The following VAV3 variants were observed in gnomAD, a reference collection of about 807,000 sequenced individuals.
The protein encoded by VAV3 is vav guanine nucleotide exchange factor 3.
VAV3 carries 94 observed loss-of-function variants against 131.2 expected under a neutral mutation model. The observed-to-expected ratio is 0.72, with a 90% CI of 0.61 to 0.85. VAV3 has a LOEUF of 0.85. Among genes scored for constraint, VAV3 ranks in the 40% least tolerant of loss-of-function variants. The probability of loss-of-function intolerance (pLI) is 0.00; values close to 1 mark genes in which losing one functional copy is unlikely to be tolerated. For synonymous variants in VAV3, 349 were observed against 342.0 expected (o/e 1.02, Z -0.22); for missense variants, 939 against 1,002.7 (o/e 0.94, Z 0.86).
At chr1:107,588,973 T>C (rs965709132) in intron 25 of VAV3, among the ~76,000 whole-genome samples, 3 of 152,180 alleles carry the variant, frequency 2.0e-5, no homozygotes, top group Admixed American at 6.5e-5. Flanking sequence ...CATTTCACCA[T>C]GGAAAGGCAA....
chr1:107,582,689 T>C (rs897250131), intron 25 of VAV3, among the ~76,000 whole-genome samples: 4 of 151,798 alleles, frequency 2.6e-5, no homozygotes, highest in African/African-American at 9.7e-5. Context: ...CGCGATAGTT[T>C]ACTGAGAATG....
intron 17 of VAV3, among the ~76,000 whole-genome samples, chr1:107,691,922 AT>A (rs1360709031): frequency 6.6e-6 from 1 of 152,128 alleles, no homozygotes. Flanking sequence ...AATTTAAATA[AT>A]TTTTACTTGT....
At position 107,685,350 on chromosome 1, in the gene VAV3, T is replaced by C. The variant is rs114366358; in HGVS notation, c.1732-1817A>G. On this transcript the variant is annotated intron_variant, in intron 18 of 26. Transcript: ENST00000370056. Reference sequence around the variant, plus strand: ...TATAAAATGGAGATAATACTAGCACTGACTTCATAGGTTTTGCAGTGAGAA... The same window carrying C: ...TATAAAATGGAGATAATACTAGCACCGACTTCATAGGTTTTGCAGTGAGAA... Among the ~76,000 whole-genome samples, 775 of 152,350 alleles carry C rather than the reference T, an allele frequency of 5.1e-3. 9 individuals are homozygous for C. The highest frequency in any genetic ancestry group is 0.018 in the African/African-American group (741 of 41,580).
intron 21 of VAV3, among the ~76,000 whole-genome samples, chr1:107,610,761 A>T (rs919903265): frequency 6.6e-6 from 1 of 152,252 alleles, no homozygotes; most frequent in African/African-American, 2.4e-5. Flanking sequence ...TGTTAAAAAT[A>T]AGAAATAAAG....
intron 19 of VAV3, among the ~76,000 whole-genome samples, chr1:107,661,762 C>T (rs1254155096): frequency 1.3e-5 from 2 of 152,066 alleles, no homozygotes; most frequent in South Asian, 2.1e-4. Context: ...GGCCATTCTG[C>T]GTGTATATGT....
chr1:107,700,713 G>C (rs190900844), intron 17 of VAV3, among the ~76,000 whole-genome samples: 27 of 152,268 alleles, frequency 1.8e-4, no homozygotes, highest in African/African-American at 5.8e-4. Context: ...ATGGGCATTT[G>C]GGCTGATTCC....
chr1:107,876,947 G>T (rs563838467), intron 1 of VAV3, among the ~76,000 whole-genome samples: 2 of 151,190 alleles, frequency 1.3e-5, no homozygotes, highest in South Asian at 2.1e-4. Context: ...ATCTTGGTTT[G>T]TTTTTTTAAT....
At chr1:107,847,958 A>G (rs1669044883) in intron 2 of VAV3, among the ~76,000 whole-genome samples, 1 of 152,186 alleles carries the variant, frequency 6.6e-6, no homozygotes. Context: ...AGACACAACA[A>G]AAAACAGAAA....
chr1:107,642,942 A>G (rs1655459207), intron 19 of VAV3, among the ~76,000 whole-genome samples, 187 bp from the exon 20 acceptor site: 1 of 152,178 alleles, frequency 6.6e-6, no homozygotes, highest in South Asian at 2.1e-4. Flanking sequence ...TAATAGAATA[A>G]GACACATATT....
At position 107,865,187 on chromosome 1, in the gene VAV3, T is replaced by C. The variant is rs548841228; in HGVS notation, c.321+9714A>G. ...GTCAGTTTTACTTGATCTCAAAGTC[T>C]CAGGATGAGCTGAAGAAAAGAGCCA... On this transcript the variant is annotated intron_variant, in intron 2 of 26. Coordinates refer to ENST00000370056, the MANE Select transcript of VAV3 (RefSeq NM_006113.5). 6.4e-4 allele frequency among the ~76,000 whole-genome samples: 97 copies of C among 152,232 alleles called. 1 individual carries two copies. Among genetic ancestry groups the C allele is most frequent in the South Asian group, 8.3e-4 (4 of 4,834 alleles).
At chr1:107,586,142 T>C (rs74810481) in intron 25 of VAV3, among the ~76,000 whole-genome samples, 1 of 7,614 alleles carries the variant, frequency 1.3e-4, no homozygotes, top group African/African-American at 1.6e-4. Flanking sequence ...TGGCATAGTT[T>C]TTTTTTTTTT....
intron 19 of VAV3, among the ~76,000 whole-genome samples, chr1:107,655,255 G>A (rs1656458713): frequency 6.6e-6 from 1 of 152,080 alleles, no homozygotes; most frequent in Admixed American, 6.6e-5. Flanking sequence ...AAATCAGCAT[G>A]GCACTGGCAT....
intron 3 of VAV3, chr1:107,777,576 C>A: frequency 2.3e-6 from 1 of 439,848 alleles, no homozygotes; most frequent in Non-Finnish European, 4.1e-6. Flanking sequence ...GTCATAATAA[C>A]GTGCTTATCT....
At chr1:107,576,266 G>A (rs1020519837) in intron 25 of VAV3, 30 of 712,098 alleles carry the variant, frequency 4.2e-5, no homozygotes, top group Non-Finnish European at 6.0e-5. Flanking sequence ...GTGCATGGTG[G>A]TAATGGAACT....
chr1:107,772,804 A>T lies in VAV3; in HGVS notation c.486T>A (p.Cys162Ter), dbSNP rs1281927164. The T allele has an allele frequency of 6.2e-7, 1 of 1,613,756 alleles. No homozygotes were observed. Among genetic ancestry groups the T allele is most frequent in the Admixed American group, 1.7e-5 (1 of 59,988 alleles). ...LVEDEEDLYD[C>*]VYGEDEGGEV... The stretch of plus-strand genomic sequence containing the variant: ...CTCCACCTTCATCTTCCCCATAAAC[A>T]CAGTCATAGAGATCTTCTTCATCTT... Residue 162 changes from cysteine to a stop codon, truncating the protein, a stop_gained, in exon 5 of 27, where the codon TGT (cysteine) becomes TGA (stop). Transcript: ENST00000370056. LOFTEE classifies it high-confidence loss of function.
intron 19 of VAV3, among the ~76,000 whole-genome samples, chr1:107,653,867 T>C (rs199726157): frequency 1.3e-5 from 2 of 151,990 alleles, no homozygotes; most frequent in East Asian, 1.9e-4. Flanking sequence ...AAAAAATTGC[T>C]CCCTTCCCAG....
chr1:107,897,534 CCCACACAGCACCAGGGTCGCAG>C (rs1671649687), intron 1 of VAV3, among the ~76,000 whole-genome samples: 2 of 151,948 alleles, frequency 1.3e-5, no homozygotes. Flanking sequence ...AAAGGAGCTA[CCCACACAGCACCAGGGTCGCAG>C]TTTAGTCAAG....
chr1:107,588,495 G>A (rs552560955), intron 25 of VAV3, among the ~76,000 whole-genome samples: 1 of 152,288 alleles, frequency 6.6e-6, no homozygotes, highest in South Asian at 2.1e-4. Flanking sequence ...AGTAGTAATA[G>A]CAGGAGCAAA....
At chr1:107,871,846 TAA>T (rs1670268089) in intron 2 of VAV3, among the ~76,000 whole-genome samples, 1 of 151,980 alleles carries the variant, frequency 6.6e-6, no homozygotes, top group Admixed American at 6.6e-5. Flanking sequence ...AGAAAAGGGG[TAA>T]GAGAGTATAG....
Sources: allele counts gnomAD v4.1 joint callset (sites outside exome capture counted in the v4.1 genomes callset), GRCh38; gene constraint gnomAD v4.1.1; transcripts MANE v1.5; gene names NCBI Gene and HGNC (gene_info 2026-07-23, HGNC 2026-07-21).